The following TTLL11 variants were observed in gnomAD, a reference collection of about 807,000 sequenced individuals.
TTLL11 encodes tubulin polyglutamylase TTLL11.
Under a neutral mutation model 51.7 loss-of-function variants are expected in TTLL11, and 42 were observed. That is an observed-to-expected ratio of 0.81 (90% CI 0.64 to 1.05). The LOEUF (loss-of-function observed/expected upper bound fraction) is 1.05, where lower values mean the gene tolerates loss of function less well. TTLL11 is among the 50% of genes least tolerant of loss of function. TTLL11 has a pLI of 0.00. For missense variants in TTLL11, 799 were observed against 940.4 expected, an observed-to-expected ratio of 0.85 and a Z score of 1.97; for synonymous variants, 381 against 383.5, an observed-to-expected ratio of 0.99 and a Z score of 0.08.
At chr9:122,054,701 A>G (rs1845245796) in intron 1 of TTLL11, among the ~76,000 whole-genome samples, 1 of 152,152 alleles carries the variant, frequency 6.6e-6, no homozygotes, top group African/African-American at 2.4e-5. Context: ...ACTCCATTAT[A>G]CCCTGCAAAT....
chr9:121,993,859 G>C (rs1843179300), intron 3 of TTLL11, among the ~76,000 whole-genome samples: 1 of 152,208 alleles, frequency 6.6e-6, no homozygotes, highest in South Asian at 2.1e-4. Context: ...AAACCAGTTA[G>C]GGCAGTCCTT....
At chr9:121,983,686 G>A (rs116406330) in intron 4 of TTLL11, among the ~76,000 whole-genome samples, 2,245 of 152,180 alleles carry the variant, frequency 0.015, 40 homozygotes, top group African/African-American at 0.048. Context: ...TCCCTGACAG[G>A]GTTAGGCAAA....
intron 6 of TTLL11, among the ~76,000 whole-genome samples, chr9:121,971,551 C>G (rs1450106773): frequency 7.1e-6 from 1 of 141,352 alleles, no homozygotes; most frequent in Non-Finnish European, 1.6e-5. Context: ...GCCCGGCCAC[C>G]ACCCCGTCTG....
chr9:121,836,730 C>T (rs953291373), intron 8 of TTLL11, among the ~76,000 whole-genome samples: 3 of 152,242 alleles, frequency 2.0e-5, no homozygotes, highest in Middle Eastern at 3.4e-3. Flanking sequence ...GATGACCCAA[C>T]GTGAGATGGG....
intron 3 of TTLL11, among the ~76,000 whole-genome samples, chr9:122,013,748 C>T (rs1279933596): frequency 2.0e-5 from 3 of 152,168 alleles, no homozygotes; most frequent in Non-Finnish European, 4.4e-5. Context: ...ATACCGTAGC[C>T]TTCATTATTG....
At chr9:121,980,120 A>G (rs1232740374) in intron 4 of TTLL11, among the ~76,000 whole-genome samples, 1 of 152,124 alleles carries the variant, frequency 6.6e-6, no homozygotes, top group Non-Finnish European at 1.5e-5. Flanking sequence ...GTAAGAACAC[A>G]GAGTGTGATA....
chr9:121,875,759 G>A (rs1838541387), intron 6 of TTLL11, among the ~76,000 whole-genome samples: 1 of 152,144 alleles, frequency 6.6e-6, no homozygotes, highest in Non-Finnish European at 1.5e-5. Context: ...AAAGTGACTG[G>A]TAAAGAAAAT....
At position 121,822,382 on chromosome 9, in the gene TTLL11, T is replaced by C; in HGVS notation, c.*205A>G. Reference sequence around the variant, plus strand: ...ACTGATGACTCAGAAACAGGGTGTATCACCAGGAGGTGTGAGGAGGAAGGC... The same window carrying C: ...ACTGATGACTCAGAAACAGGGTGTACCACCAGGAGGTGTGAGGAGGAAGGC... On this transcript the variant is annotated 3_prime_UTR_variant, in exon 9 of 9. Coordinates refer to ENST00000321582, the MANE Select transcript of TTLL11 (RefSeq NM_001139442.2). This position sits in a 1 kb window ranked among gnomAD's most constrained non-coding sequence, Gnocchi z 5.8. 2.2e-6 allele frequency: 1 copy of C among 446,970 alleles called. No individual in the cohort carries two copies. The allele number at this position is 446,970 out of a possible 1,614,324, so 27.7% of individuals were successfully genotyped here.
At chr9:122,049,979 G>A (rs1008371812) in intron 1 of TTLL11, among the ~76,000 whole-genome samples, 2 of 152,090 alleles carry the variant, frequency 1.3e-5, no homozygotes, top group Admixed American at 6.6e-5. Context: ...CTAAGATGAG[G>A]GGTCCAAAGT....
At chr9:122,059,448 C>T (rs941071689) in intron 1 of TTLL11, among the ~76,000 whole-genome samples, 7 of 152,050 alleles carry the variant, frequency 4.6e-5, no homozygotes, top group Non-Finnish European at 8.8e-5. Flanking sequence ...CGTCAAGTAA[C>T]GTGCCTCAGT....
In TTLL11 at chr9:121,903,332, A is replaced by G. The variant is rs1376841029; in HGVS notation, c.1482-32584T>C. On this transcript the variant is annotated intron_variant, in intron 6 of 8. Transcript: ENST00000321582. Reference sequence around the variant, plus strand: ...GCTTTTTGCTCTTGGGTTTTTTAGAACACAGAAATTCTGAGGGCATGGGAA... The same window carrying G: ...GCTTTTTGCTCTTGGGTTTTTTAGAGCACAGAAATTCTGAGGGCATGGGAA... 3.9e-5 allele frequency among the ~76,000 whole-genome samples: 6 copies of G among 152,278 alleles called. No individual in the cohort carries two copies. In the South Asian group the frequency reaches 1.0e-3, roughly 26 times the overall value.
intron 6 of TTLL11, among the ~76,000 whole-genome samples, chr9:121,909,996 T>A (rs1840060782): frequency 6.6e-6 from 1 of 152,166 alleles, no homozygotes; most frequent in African/African-American, 2.4e-5. Flanking sequence ...AAGATGCGAT[T>A]TTCCCCCATA....
chr9:121,922,549 G>T (rs974102925), intron 6 of TTLL11, among the ~76,000 whole-genome samples: 4 of 152,182 alleles, frequency 2.6e-5, no homozygotes, highest in Non-Finnish European at 4.4e-5. Context: ...TTAGTAGAAA[G>T]ATCGCATTTG....
Position 121,870,697 on chromosome 9 carries a change from G to A in TTLL11, c.1533C>T (p.Gly511=), listed in dbSNP as rs767862208. Residue 511 remains glycine (G), a synonymous_variant, in exon 7 of 9, where the codon GGC becomes GGT. Transcript: ENST00000321582. ...TGCAGTCTGGAGCACTGGTCAGCTC[G>A]CCGTCCAAAGCATCTTCCTTTCCAG... ...PFAGKEDALD[G]ELTSAPDCNA... 4.0e-5 allele frequency: 62 copies of A among 1,551,014 alleles called. No homozygotes were observed. The Middle Eastern group carries it at 6.7e-4, about 17-fold the overall frequency.
chr9:122,058,039 G>C (rs568984768), intron 1 of TTLL11, among the ~76,000 whole-genome samples: 16 of 152,360 alleles, frequency 1.1e-4, no homozygotes, highest in African/African-American at 3.6e-4. Flanking sequence ...GGCTACAGGA[G>C]CATGAAGCAG....
intron 6 of TTLL11, among the ~76,000 whole-genome samples, chr9:121,953,297 A>G (rs949385440): frequency 6.6e-5 from 10 of 152,170 alleles, no homozygotes; most frequent in Non-Finnish European, 1.5e-4. Flanking sequence ...CTGGGGTACT[A>G]TATAAGGTGG....
At chr9:122,082,808 G>A (rs1344700796) in intron 1 of TTLL11, among the ~76,000 whole-genome samples, 1 of 152,086 alleles carries the variant, frequency 6.6e-6, no homozygotes, top group Non-Finnish European at 1.5e-5. Flanking sequence ...TGAGGCGGGA[G>A]AATCACTTGA....
At chr9:122,010,817 A>G (rs1011574276) in intron 3 of TTLL11, among the ~76,000 whole-genome samples, 2 of 152,192 alleles carry the variant, frequency 1.3e-5, no homozygotes, top group African/African-American at 4.8e-5. Context: ...TGTAGTTTAC[A>G]TGATAGTTAA....
chr9:122,059,307 AGCATTTACTATGTGCCAG>A (rs1845378962), intron 1 of TTLL11, among the ~76,000 whole-genome samples: 2 of 152,198 alleles, frequency 1.3e-5, no homozygotes, highest in African/African-American at 4.8e-5. Flanking sequence ...ATGTTTGCTG[AGCATTTACTATGTGCCAG>A]GCATGGCTCT....
Sources: allele counts gnomAD v4.1 joint callset (sites outside exome capture counted in the v4.1 genomes callset), GRCh38; gene constraint gnomAD v4.1.1; non-coding constraint Gnocchi (gnomAD v3.1); transcripts MANE v1.5; gene names NCBI Gene and HGNC (gene_info 2026-07-23, HGNC 2026-07-21).